Variants in MRRF observed in about 807,000 individuals in gnomAD.
The protein encoded by MRRF is mitochondrial ribosome recycling factor, also known as ribosome-recycling factor, mitochondrial.
MRRF carries 18 observed loss-of-function variants against 25.1 expected under a neutral mutation model. The observed-to-expected ratio is 0.72, with a 90% CI of 0.50 to 1.06. The LOEUF is 1.06. MRRF is among the 50% of genes least tolerant of loss of function. MRRF has a pLI of 0.00. For synonymous variants in MRRF, 113 were observed against 112.1 expected (o/e 1.01, Z -0.05); for missense variants, 323 against 319.3 (o/e 1.01, Z -0.09).
chr9:122,267,322 A>G (rs181829678), intron 1 of MRRF, among the ~76,000 whole-genome samples: 17 of 151,022 alleles, frequency 1.1e-4, no homozygotes, highest in Admixed American at 2.6e-4. Flanking sequence ...CATAGGTTGC[A>G]GTGAGCTGAG....
intron 5 of MRRF, among the ~76,000 whole-genome samples, chr9:122,302,821 A>G (rs1311127352): frequency 1.3e-5 from 2 of 152,220 alleles, no homozygotes; most frequent in African/African-American, 4.8e-5. Context: ...TGCACATTTT[A>G]AATTCCCACT....
intron 3 of MRRF, among the ~76,000 whole-genome samples, chr9:122,282,578 A>G (rs1045153114): frequency 6.6e-6 from 1 of 152,226 alleles, no homozygotes; most frequent in Non-Finnish European, 1.5e-5. Flanking sequence ...AGCTGTTGTG[A>G]TCTTGGGCAA....
intron 5 of MRRF, among the ~76,000 whole-genome samples, chr9:122,305,949 A>G (rs183630950): frequency 1.2e-4 from 19 of 152,186 alleles, no homozygotes; most frequent in Non-Finnish European, 2.2e-4. Context: ...CCATTTATGT[A>G]TTAGCTAATA....
At chr9:122,319,991 C>T (rs1835786731) in intron 6 of MRRF, among the ~76,000 whole-genome samples, 2 of 151,064 alleles carry the variant, frequency 1.3e-5, no homozygotes, top group African/African-American at 4.9e-5. Flanking sequence ...CCTCCCATCT[C>T]AGCTTCCTGA....
intron 5 of MRRF, among the ~76,000 whole-genome samples, chr9:122,304,231 C>T (rs1404616828): frequency 6.6e-6 from 1 of 152,212 alleles, no homozygotes; most frequent in Non-Finnish European, 1.5e-5. Context: ...CCACTGCCTG[C>T]TTGCCATTGC....
chr9:122,283,561 T>A (rs902693804), intron 3 of MRRF, among the ~76,000 whole-genome samples: 4 of 152,228 alleles, frequency 2.6e-5, no homozygotes, highest in African/African-American at 9.6e-5. Context: ...CCTCCCGGAC[T>A]TTTCCAGGTT....
At position 122,324,761 on chromosome 9, in the gene MRRF, G is replaced by C. The variant is rs1365096496; in HGVS notation, c.*2144G>C. 6.6e-6 allele frequency: 1 copy of C among 152,148 alleles called. No individual in the cohort carries two copies. Among genetic ancestry groups the C allele is most frequent in the East Asian group, 1.9e-4 (1 of 5,194 alleles). 9.4% of individuals were successfully genotyped at this position (152,148 alleles called of 1,614,324 possible). ...TTCTCTCCTGTGCTGGAGGTAATAA[G>C]GGTTGCACTTCCCTCTTTACTTACA... On this transcript the variant is annotated 3_prime_UTR_variant, in exon 7 of 7. Transcript: ENST00000344641.
chr9:122,286,277 G>A (rs1833401178), intron 4 of MRRF: 1 of 1,100,326 alleles, frequency 9.1e-7, no homozygotes, highest in African/African-American at 1.6e-5. Context: ...TAGGAGAAAG[G>A]GAAAGCCCTT....
intron 2 of MRRF, among the ~76,000 whole-genome samples, chr9:122,275,155 T>TA (rs1209168072): frequency 2.0e-5 from 3 of 151,586 alleles, no homozygotes; most frequent in Non-Finnish European, 4.4e-5. Flanking sequence ...CAGAGTATAA[T>TA]ACAATATTAC....
rs576912186 is a variant in MRRF, at chr9:122,312,317, T to C, written c.552-910T>C. On this transcript the variant is annotated intron_variant, in intron 5 of 6. Transcript: ENST00000344641. ...TAGAACGGTTTAATAATAGTAGTAA[T>C]TAGACTCATTGTTGTTTTGAGAATA... 6.8e-4 allele frequency among the ~76,000 whole-genome samples: 104 copies of C among 152,324 alleles called. 1 individual carries two copies. The South Asian group carries it at 9.1e-3, about 13-fold the overall frequency.
At chr9:122,271,767 G>T (rs933670974) in intron 2 of MRRF, among the ~76,000 whole-genome samples, 1 of 152,194 alleles carries the variant, frequency 6.6e-6, no homozygotes, top group Non-Finnish European at 1.5e-5. Flanking sequence ...AACAGGGCCT[G>T]GATTTAGTAT....
intron 4 of MRRF, among the ~76,000 whole-genome samples, chr9:122,286,497 G>T (rs1432689400): frequency 6.6e-6 from 1 of 152,158 alleles, no homozygotes; most frequent in Non-Finnish European, 1.5e-5. Context: ...TTGAAGCCAG[G>T]AGTTCAAGAC....
chr9:122,270,357 G>A (rs1832375053), intron 1 of MRRF, among the ~76,000 whole-genome samples: 1 of 152,152 alleles, frequency 6.6e-6, no homozygotes, highest in Non-Finnish European at 1.5e-5. Context: ...ACATTAAAGG[G>A]CATCCTAATT....
At chr9:122,292,362 T>C (rs1285611975) in intron 5 of MRRF, among the ~76,000 whole-genome samples, 4 of 152,200 alleles carry the variant, frequency 2.6e-5, no homozygotes, top group Non-Finnish European at 5.9e-5. Flanking sequence ...CTCTAACTTA[T>C]ATTCTTTGAA....
At chr9:122,300,665 C>CT (rs1315201162) in intron 5 of MRRF, among the ~76,000 whole-genome samples, 2 of 152,134 alleles carry the variant, frequency 1.3e-5, no homozygotes, top group Non-Finnish European at 2.9e-5. Context: ...TAATGCCCTC[C>CT]TTCCTTCTCT....
chr9:122,272,623 C>G (rs1832533640), intron 2 of MRRF, among the ~76,000 whole-genome samples: 1 of 152,122 alleles, frequency 6.6e-6, no homozygotes, highest in African/African-American at 2.4e-5. Flanking sequence ...GGTTGTTTGA[C>G]TTTTTCTTTT....
chr9:122,267,514 A>G (rs1034063088), intron 1 of MRRF, among the ~76,000 whole-genome samples: 6 of 152,192 alleles, frequency 3.9e-5, no homozygotes, highest in Non-Finnish European at 8.8e-5. Flanking sequence ...CTATATTGCC[A>G]AGGCTGGCCT....
chr9:122,323,484 T>A lies in MRRF; in HGVS notation c.*867T>A, dbSNP rs756225892. The A allele has an allele frequency of 1.3e-5, 2 of 152,274 alleles. No homozygotes were observed. The highest frequency in any genetic ancestry group is 2.9e-5 in the Non-Finnish European group (2 of 68,046). The allele number at this position is 152,274 out of a possible 1,614,324, so 9.4% of individuals were successfully genotyped here. ...AGCAAATGCTGACTTCTTTTCTTTC[T>A]AGTCTTAACACTCCCTTTCTATCAT... On this transcript the variant is annotated 3_prime_UTR_variant, in exon 7 of 7. Transcript: ENST00000344641.
rs989892333 is a variant in MRRF at position 122,322,989 on chromosome 9, T to C, written c.*372T>C. ...CTGTTCCCATTTTAAAACTCTGATA[T>C]TGGCCTTCACCTGTGACTGGACACT... On this transcript the variant is annotated 3_prime_UTR_variant, in exon 7 of 7. Coordinates refer to ENST00000344641, the MANE Select transcript of MRRF (RefSeq NM_138777.5). 1 of 314,424 alleles carries C rather than the reference T, an allele frequency of 3.2e-6. No individual in the cohort carries two copies. The highest frequency in any genetic ancestry group is 6.7e-5 in the East Asian group (1 of 14,970). The allele number at this position is 314,424 out of a possible 1,614,324, so 19.5% of individuals were successfully genotyped here. A position where few individuals can be genotyped will look rare whatever the true frequency, so the allele number is the denominator to read the frequency against.
Sources: gnomAD v4.1 joint callset for allele counts (sites outside exome capture counted in the v4.1 genomes callset) on GRCh38, gnomAD v4.1.1 for gene constraint, MANE v1.5 for transcripts, NCBI Gene and HGNC (gene_info 2026-07-23, HGNC 2026-07-21) for gene names.